The following LPP variants were observed in gnomAD, a reference collection of about 807,000 sequenced individuals.
LPP encodes lipoma-preferred partner.
A neutral mutation model predicts 60.4 loss-of-function variants in LPP; 38 were observed. The observed-to-expected ratio is 0.63, with a 90% CI of 0.49 to 0.83. The LOEUF (loss-of-function observed/expected upper bound fraction) is 0.83. Among genes scored for constraint, LPP ranks in the 40% least tolerant of loss-of-function variants. The probability of loss-of-function intolerance (pLI) is 0.00; values close to 1 mark genes in which losing one functional copy is unlikely to be tolerated. For missense variants in LPP, 902 were observed against 783.6 expected, an observed-to-expected ratio of 1.15 and a Z score of -1.80; for synonymous variants, 328 against 290.8, an observed-to-expected ratio of 1.13 and a Z score of -1.30.
chr3:188,203,189 ATATAT>A (rs1252767717), intron 1 of LPP, among the ~76,000 whole-genome samples: 2 of 134,302 alleles, frequency 1.5e-5, no homozygotes, highest in African/African-American at 5.6e-5. Flanking sequence ...TTTATATATT[ATATAT>A]TATATATATT....
intron 8 of LPP, among the ~76,000 whole-genome samples, chr3:188,713,271 G>A (rs1712357771): frequency 6.6e-6 from 1 of 151,964 alleles, no homozygotes; most frequent in Non-Finnish European, 1.5e-5. Flanking sequence ...CATGCTTCAA[G>A]ACACCTGTCC....
At chr3:188,290,814 C>T (rs1745688320) in intron 2 of LPP, among the ~76,000 whole-genome samples, 1 of 152,188 alleles carries the variant, frequency 6.6e-6, no homozygotes, top group South Asian at 2.1e-4. Flanking sequence ...TACTGAGGGT[C>T]AATTCACTGG....
In LPP at chr3:188,886,820, G is replaced by A; in HGVS notation, c.*12341G>A. The A allele has an allele frequency of 4.4e-6, 1 of 228,792 alleles. No individual in the cohort carries two copies. Among genetic ancestry groups the A allele is most frequent in the Non-Finnish European group, 8.6e-6 (1 of 116,036 alleles). The allele number at this position is 228,792 out of a possible 1,614,324, so 14.2% of individuals were successfully genotyped here. The stretch of plus-strand genomic sequence containing the variant: ...ATAAATCTTATTTTTAAGCACTTGG[G>A]TTTTCAGGCCAGAAAATTAATAAAT... On this transcript the variant is annotated 3_prime_UTR_variant, in exon 12 of 12. Coordinates refer to ENST00000617246, the MANE Select transcript of LPP (RefSeq NM_001375462.1).
chr3:188,500,292 T>C (rs1811447096), intron 5 of LPP, among the ~76,000 whole-genome samples: 2 of 152,176 alleles, frequency 1.3e-5, no homozygotes, highest in Admixed American at 1.3e-4. Context: ...TGTTGAATAT[T>C]TTTCTTATGA....
intron 2 of LPP, among the ~76,000 whole-genome samples, chr3:188,286,381 C>T (rs1743920892): frequency 6.6e-6 from 1 of 152,120 alleles, no homozygotes; most frequent in African/African-American, 2.4e-5. Flanking sequence ...GTGTGTTTGG[C>T]AGCATGCTGG....
chr3:188,302,655 C>T (rs1231420255), intron 2 of LPP, among the ~76,000 whole-genome samples: 1 of 152,186 alleles, frequency 6.6e-6, no homozygotes, highest in Non-Finnish European at 1.5e-5. Flanking sequence ...CCACAAGATG[C>T]ACCTTATGAA....
chr3:188,310,601 C>A (rs1313511412), intron 2 of LPP, among the ~76,000 whole-genome samples: 1 of 152,142 alleles, frequency 6.6e-6, no homozygotes, highest in Non-Finnish European at 1.5e-5. Flanking sequence ...GTTTTCATCA[C>A]TTTGGCCACC....
intron 7 of LPP, among the ~76,000 whole-genome samples, chr3:188,654,575 A>G (rs1198204730): frequency 6.6e-6 from 1 of 152,160 alleles, no homozygotes; most frequent in African/African-American, 2.4e-5. Flanking sequence ...TATACTCCAC[A>G]TATCTCCACA....
chr3:188,333,968 A>C (rs1055694562), intron 2 of LPP, among the ~76,000 whole-genome samples: 2 of 152,174 alleles, frequency 1.3e-5, no homozygotes, highest in African/African-American at 4.8e-5. Flanking sequence ...GAACACTAGA[A>C]CTGACTCCTC....
intron 4 of LPP, among the ~76,000 whole-genome samples, chr3:188,456,434 G>T (rs1797760609): frequency 6.6e-6 from 1 of 152,302 alleles, no homozygotes; most frequent in South Asian, 2.1e-4. Context: ...CGTTATAAAA[G>T]AAACACAGGT....
chr3:188,181,879 C>T (rs1257129830), intron 1 of LPP, among the ~76,000 whole-genome samples: 1 of 152,180 alleles, frequency 6.6e-6, no homozygotes, highest in African/African-American at 2.4e-5. Context: ...CACGCCACTG[C>T]ACCTGGCCAT....
chr3:188,155,906 T>C (rs2148647958), intron 1 of LPP, among the ~76,000 whole-genome samples: 1 of 152,096 alleles, frequency 6.6e-6, no homozygotes, highest in South Asian at 2.1e-4. Context: ...TCCCAGCTAC[T>C]CGGGAGGCTG....
chr3:188,809,897 A>G lies in LPP; in HGVS notation c.1410+49615A>G, dbSNP rs147648019. 6.6e-5 allele frequency among the ~76,000 whole-genome samples: 10 copies of G among 152,234 alleles called. No individual in the cohort carries two copies. The East Asian group carries it at 1.7e-3, about 26-fold the overall frequency. ...GGGGTCCAGTTTCAGTTTTCTGCAT[A>G]TGGCTAGCCAGTTTTCCCAGCACCA... is the stretch of plus-strand genomic sequence containing the variant. On this transcript the variant is annotated intron_variant, in intron 9 of 11. Coordinates refer to ENST00000617246, the MANE Select transcript of LPP (RefSeq NM_001375462.1).
At chr3:188,687,457 A>T (rs1861038241) in intron 7 of LPP, among the ~76,000 whole-genome samples, 1 of 152,018 alleles carries the variant, frequency 6.6e-6, no homozygotes, top group Non-Finnish European at 1.5e-5. Flanking sequence ...CTTCATAGTG[A>T]GGGAGTTCTT....
intron 9 of LPP, among the ~76,000 whole-genome samples, chr3:188,833,605 T>G (rs1757627677): frequency 6.6e-6 from 1 of 152,206 alleles, no homozygotes; most frequent in African/African-American, 2.4e-5. Context: ...GAAGGGCTGT[T>G]AGAGCCTTGG....
rs11448997 is a variant in LPP at position 188,878,759 on chromosome 3, T to TAAAAAAAAAA, written c.*4287_*4296dup. On this transcript the variant is annotated 3_prime_UTR_variant, in exon 12 of 12. Transcript: ENST00000617246. ...ATATACTCACCAAAAAGTAAAAAAG[T>TAAAAAAAAAA]AAAAAAAAAAAAAAAAGAAAGAAAG... is the stretch of plus-strand genomic sequence containing the variant. The TAAAAAAAAAA allele has an allele frequency of 5.8e-5, 9 of 153,890 alleles. No individual in the cohort carries two copies. The highest frequency in any genetic ancestry group is 1.1e-4 in the African/African-American group (4 of 34,824). The allele number at this position is 153,890 out of a possible 1,614,324, so 9.5% of individuals were successfully genotyped here.
intron 7 of LPP, among the ~76,000 whole-genome samples, chr3:188,623,320 C>T (rs1021227216): frequency 6.0e-5 from 9 of 149,362 alleles, no homozygotes; most frequent in Non-Finnish European, 1.3e-4. Flanking sequence ...TGCAGTGGCA[C>T]AATCTCAGCT....
chr3:188,507,453 G>A (rs1813868340), intron 5 of LPP, among the ~76,000 whole-genome samples: 1 of 151,688 alleles, frequency 6.6e-6, no homozygotes, highest in African/African-American at 2.4e-5. Flanking sequence ...TCGAAAGGGG[G>A]AAAAAATAAA....
intron 6 of LPP, among the ~76,000 whole-genome samples, chr3:188,597,339 C>T (rs1407798908): frequency 6.6e-6 from 1 of 152,134 alleles, no homozygotes; most frequent in African/African-American, 2.4e-5. Flanking sequence ...ACACTTGTCT[C>T]AAGGTGGTCA....
Sources: allele counts gnomAD v4.1 joint callset (sites outside exome capture counted in the v4.1 genomes callset), GRCh38; gene constraint gnomAD v4.1.1; transcripts MANE v1.5; gene names NCBI Gene and HGNC (gene_info 2026-07-23, HGNC 2026-07-21).